Variants in NCOR2 observed in about 807,000 individuals in gnomAD.
NCOR2 encodes the protein CTG repeat protein 26.
A neutral mutation model predicts 262.9 loss-of-function variants in NCOR2; 81 were observed. That is an observed-to-expected ratio of 0.31 (90% CI 0.26 to 0.37). The LOEUF (loss-of-function observed/expected upper bound fraction) is 0.37, where lower values mean the gene tolerates loss of function less well. Ranked by LOEUF, NCOR2 falls within the 10% of genes least tolerant of loss-of-function variation. The probability of loss-of-function intolerance (pLI) is 1.00; values close to 1 mark genes in which losing one functional copy is unlikely to be tolerated. For synonymous variants in NCOR2, 1,659 were observed against 1,559.3 expected (o/e 1.06, Z -1.51); for missense variants, 3,385 against 3,621.4 (o/e 0.93, Z 1.68).
At chr12:124,372,098 C>T (rs749599810) in exon 20 of NCOR2, 14 of 1,603,292 alleles carry the variant, frequency 8.7e-6, no homozygotes, top group South Asian at 5.5e-5. Flanking sequence ...TCCTGGGGGG[C>T]GCCCGAGCTC....
At chr12:124,528,816 T>G (rs2050620186) in intron 1 of NCOR2, among the ~76,000 whole-genome samples, 2 of 152,220 alleles carry the variant, frequency 1.3e-5, no homozygotes, top group Admixed American at 1.3e-4. Flanking sequence ...GTCATGAGTT[T>G]CATTTCTTAT....
At position 124,457,846 on chromosome 12, in the gene NCOR2, G is replaced by C. The variant is rs1029932492; in HGVS notation, c.706-684C>G. Among the ~76,000 whole-genome samples the C allele has an allele frequency of 6.6e-6, 1 of 152,026 alleles. No individual in the cohort carries two copies. On this transcript the variant is annotated intron_variant, in intron 5 of 46. Transcript: ENST00000405201. This position sits in a 1 kb window ranked among gnomAD's most constrained non-coding sequence, Gnocchi z 4.0. ...GAAGGCAGACATTGTGCCTCGGCCAGGCCCACCAGCCCGCAGCCTGGGACC... is the reference window on the plus strand; with the variant it reads ...GAAGGCAGACATTGTGCCTCGGCCACGCCCACCAGCCCGCAGCCTGGGACC...
At chr12:124,403,015 G>A (rs1245567389) in intron 13 of NCOR2, among the ~76,000 whole-genome samples, 1 of 152,214 alleles carries the variant, frequency 6.6e-6, no homozygotes, top group African/African-American at 2.4e-5. Flanking sequence ...ATATTTAAGA[G>A]GGGCAGATGT....
chr12:124,474,171 A>ACCCTCTG (rs2046972537), intron 3 of NCOR2, among the ~76,000 whole-genome samples: 1 of 152,148 alleles, frequency 6.6e-6, no homozygotes. Context: ...CCCTCTGTAA[A>ACCCTCTG]CATTCATCCA....
At chr12:124,332,998 G>C in intron 42 of NCOR2, 132 bp downstream of exon 44, 1 of 1,255,324 alleles carries the variant, frequency 8.0e-7, no homozygotes, top group Non-Finnish European at 1.1e-6. Context: ...AACCTGCTTG[G>C]CAGGCTTGAG....
Position 124,437,294 on chromosome 12 carries a change from G to T in NCOR2, c.882+636C>A, listed in dbSNP as rs192591471. On this transcript the variant is annotated intron_variant, in intron 8 of 46. Transcript: ENST00000405201. ...GAATACTCAACCCTGATCTCCTCCG[G>T]GGAATGGGTGATGGCCACGGCCGCC... is the stretch of plus-strand genomic sequence containing the variant. Among the ~76,000 whole-genome samples, 37 of 152,232 alleles carry T rather than the reference G, an allele frequency of 2.4e-4. 1 individual carries two copies. In the East Asian group the frequency reaches 6.0e-3, roughly 25 times the overall value.
At chr12:124,456,709 G>A (rs1023097329) in intron 6 of NCOR2, among the ~76,000 whole-genome samples, 3 of 152,320 alleles carry the variant, frequency 2.0e-5, no homozygotes, top group Non-Finnish European at 2.9e-5. Flanking sequence ...GGGTCACACC[G>A]CCATGAAGCG....
At chr12:124,547,657 G>C (rs1044371320) in intron 1 of NCOR2, among the ~76,000 whole-genome samples, 9 of 152,162 alleles carry the variant, frequency 5.9e-5, no homozygotes, top group Admixed American at 2.0e-4. Flanking sequence ...ACATGGAGTA[G>C]GTTCTCCCCA....
At chr12:124,394,031 C>T (rs1295761652) in intron 16 of NCOR2, among the ~76,000 whole-genome samples, 1 of 152,246 alleles carries the variant, frequency 6.6e-6, no homozygotes, top group African/African-American at 2.4e-5. Context: ...CGACCCCCAT[C>T]GCCGGGGCGA....
At chr12:124,417,068 C>CGAAGAGCAGGCCGGACAGTCACTCCAT (rs2042920416) in intron 13 of NCOR2, among the ~76,000 whole-genome samples, 1 of 136,914 alleles carries the variant, frequency 7.3e-6, no homozygotes. Flanking sequence ...ACTCACTCCA[C>CGAAGAGCAGGCCGGACAGTCACTCCAT]GGAGAGCAGG....
intron 16 of NCOR2, among the ~76,000 whole-genome samples, chr12:124,386,818 C>T (rs1300514011): frequency 6.6e-6 from 1 of 152,276 alleles, no homozygotes; most frequent in East Asian, 1.9e-4. Flanking sequence ...AGCTGCGGCA[C>T]ACACAGGCAC....
intron 19 of NCOR2, among the ~76,000 whole-genome samples, chr12:124,373,008 G>A (rs915390085): frequency 1.3e-5 from 2 of 152,240 alleles, no homozygotes; most frequent in Non-Finnish European, 2.9e-5. Context: ...CACTGGCTGC[G>A]TGCCACGGGA....
At chr12:124,413,906 G>A (rs1462209484) in intron 13 of NCOR2, among the ~76,000 whole-genome samples, 2 of 151,736 alleles carry the variant, frequency 1.3e-5, no homozygotes, top group Admixed American at 6.6e-5. Flanking sequence ...CACAGGTGGT[G>A]GCGGGGGGTA....
chr12:124,499,799 T>G, upstream of NCOR2, among the ~76,000 whole-genome samples: 1 of 150,388 alleles, frequency 6.6e-6, no homozygotes, highest in South Asian at 2.1e-4. Flanking sequence ...CGGGGGAGAG[T>G]AAAGGGTCAG....
chr12:124,340,804 C>T, intron 34 of NCOR2, 53 bp from the exon 37 acceptor site: 2 of 1,441,158 alleles, frequency 1.4e-6, no homozygotes, highest in African/African-American at 1.4e-5. Flanking sequence ...AGAGGCCAGG[C>T]TGCCCACCGG....
At chr12:124,336,757 A>G in exon 38 of NCOR2, 2 of 1,613,178 alleles carry the variant, frequency 1.2e-6, no homozygotes, top group Non-Finnish European at 1.7e-6. Context: ...TCTTACCCAG[A>G]GAACGGAGTT....
At chr12:124,451,654 T>C (rs56389620) in intron 6 of NCOR2, among the ~76,000 whole-genome samples, 2,837 of 152,202 alleles carry the variant, frequency 0.019, 85 homozygotes, top group African/African-American at 0.065. Context: ...AGGGTGGCCA[T>C]GGGTGACTAT....
At chr12:124,387,819 C>A (rs1299691412) in intron 16 of NCOR2, among the ~76,000 whole-genome samples, 1 of 151,944 alleles carries the variant, frequency 6.6e-6, no homozygotes, top group Non-Finnish European at 1.5e-5. Context: ...GCAAACACAC[C>A]GGGCCAGAGG....
At chr12:124,380,962 A>G (rs746652876) in intron 17 of NCOR2, among the ~76,000 whole-genome samples, 3 of 152,146 alleles carry the variant, frequency 2.0e-5, no homozygotes. Context: ...GGCATTAATC[A>G]TTATGCCTGA....
Sources: allele counts gnomAD v4.1 joint callset (sites outside exome capture counted in the v4.1 genomes callset), GRCh38; gene constraint gnomAD v4.1.1; non-coding constraint Gnocchi (gnomAD v3.1); transcripts MANE v1.5; gene names NCBI Gene and HGNC (gene_info 2026-07-23, HGNC 2026-07-21).